Variants in KMT2C observed in about 807,000 individuals in gnomAD.
KMT2C encodes the protein histone-lysine N-methyltransferase 2C.
A neutral mutation model predicts 507.9 loss-of-function variants in KMT2C; 88 were observed. That is an observed-to-expected ratio of 0.17 (90% CI 0.15 to 0.21). The LOEUF (loss-of-function observed/expected upper bound fraction) is 0.21, where lower values mean the gene tolerates loss of function less well. KMT2C is among the 10% of genes least tolerant of loss of function. KMT2C has a pLI of 1.00. For synonymous variants in KMT2C, 2,049 were observed against 2,080.8 expected, an observed-to-expected ratio of 0.98 and a Z score of 0.42; for missense variants, 4,954 against 5,957.8, an observed-to-expected ratio of 0.83 and a Z score of 5.55.
chr7:152,342,507 T>G (rs921903958), intron 2 of KMT2C, among the ~76,000 whole-genome samples: 2 of 152,092 alleles, frequency 1.3e-5, no homozygotes, highest in African/African-American at 4.8e-5. Context: ...GCTAGAACCA[T>G]AAGGTCAATA....
intron 2 of KMT2C, among the ~76,000 whole-genome samples, chr7:152,332,661 C>A (rs2096894762): frequency 6.6e-6 from 1 of 152,122 alleles, no homozygotes; most frequent in Admixed American, 6.6e-5. Flanking sequence ...GCCTGACCAA[C>A]AACATGGTGA....
intron 2 of KMT2C, among the ~76,000 whole-genome samples, chr7:152,345,352 G>A (rs1474052193): frequency 6.6e-6 from 1 of 152,140 alleles, no homozygotes; most frequent in Non-Finnish European, 1.5e-5. Context: ...TGAGGTGCGA[G>A]GATGGCTTGA....
chr7:152,147,639 G>T (rs913971930), intron 52 of KMT2C, among the ~76,000 whole-genome samples: 3 of 150,188 alleles, frequency 2.0e-5, no homozygotes, highest in African/African-American at 7.4e-5. Flanking sequence ...CCCAGGAGGC[G>T]GAGGTTGCAG....
At chr7:152,284,646 A>G (rs1363731993) in intron 6 of KMT2C, among the ~76,000 whole-genome samples, 2 of 152,206 alleles carry the variant, frequency 1.3e-5, no homozygotes, top group African/African-American at 2.4e-5. Context: ...TTAGGCAAAA[A>G]TATTTATAAA....
chr7:152,147,921 A>C (rs370123944), intron 52 of KMT2C, 112 bp downstream of exon 52: 1 of 1,163,766 alleles, frequency 8.6e-7, no homozygotes, highest in South Asian at 1.8e-5. Context: ...AAAAATACAC[A>C]TTATAAAATA....
chr7:152,333,195 G>A (rs1001614363), intron 2 of KMT2C, among the ~76,000 whole-genome samples: 4 of 152,070 alleles, frequency 2.6e-5, no homozygotes, highest in East Asian at 1.9e-4. Flanking sequence ...CGCCCATGCT[G>A]GAGTGCAGTA....
chr7:152,205,973 G>A, intron 24 of KMT2C, among the ~76,000 whole-genome samples: 1 of 152,154 alleles, frequency 6.6e-6, no homozygotes, highest in East Asian at 1.9e-4. Flanking sequence ...TCCAAGGTAT[G>A]AGGGCATTTA....
intron 1 of KMT2C, among the ~76,000 whole-genome samples, chr7:152,401,098 C>CT (rs200213396): frequency 0.031 from 4,378 of 139,710 alleles, 96 homozygotes; most frequent in Non-Finnish European, 0.05. Context: ...TATTCATTAA[C>CT]TTTTTTTTTT....
chr7:152,244,861 C>A (rs1334096111), intron 14 of KMT2C, among the ~76,000 whole-genome samples: 2 of 152,006 alleles, frequency 1.3e-5, no homozygotes, highest in African/African-American at 4.8e-5. Context: ...AAATAAGCAT[C>A]ATATTTCTCA....
At chr7:152,384,591 C>A (rs796314788) in intron 1 of KMT2C, among the ~76,000 whole-genome samples, 29 of 150,498 alleles carry the variant, frequency 1.9e-4, no homozygotes, top group African/African-American at 7.1e-4. Context: ...CCACCACCAC[C>A]ACCACCACCA....
Position 152,177,396 on chromosome 7 carries a change from T to G in KMT2C, c.8057A>C (p.Glu2686Ala), listed in dbSNP as rs113963520. Reference sequence around the variant, plus strand: ...AGGGTCATCAGAATCAAGTTTTTCCTCTAGACCATCAGAAGGCTGGGTGGT... The same window carrying G: ...AGGGTCATCAGAATCAAGTTTTTCCGCTAGACCATCAGAAGGCTGGGTGGT... Reference protein sequence around the residue: ...QITTQPSDGLEEKLDSDDPSV... With the variant: ...QITTQPSDGLAEKLDSDDPSV... Residue 2686 changes from glutamate (E) to alanine (A), a missense_variant, in exon 38 of 59, where the codon GAG (glutamate) becomes GCG (alanine). Around this residue, in one of 29 missense-constraint regions of KMT2C, gnomAD observed 1,689 missense variants for 1,654.3 expected, o/e 1.02. Coordinates refer to ENST00000262189, the MANE Select transcript of KMT2C (RefSeq NM_170606.3). 8.7e-6 allele frequency: 14 copies of G among 1,614,224 alleles called. No homozygotes were observed. The highest frequency in any genetic ancestry group is 1.7e-5 in the Admixed American group (1 of 60,028).
chr7:152,214,348 C>T (rs1347417174), intron 23 of KMT2C, among the ~76,000 whole-genome samples: 2 of 152,118 alleles, frequency 1.3e-5, no homozygotes, highest in Non-Finnish European at 2.9e-5. Flanking sequence ...CTTACCCATT[C>T]AAGGACAGAT....
At chr7:152,312,398 A>G (rs1342182036) in intron 4 of KMT2C, 1 of 152,468 alleles carries the variant, frequency 6.6e-6, no homozygotes, top group Non-Finnish European at 1.5e-5. Flanking sequence ...TTAACTGTGT[A>G]AAGAAAGGAT....
At chr7:152,410,701 A>AATAT (rs1379153976) in intron 1 of KMT2C, among the ~76,000 whole-genome samples, 1 of 151,002 alleles carries the variant, frequency 6.6e-6, no homozygotes, top group Non-Finnish European at 1.5e-5. Flanking sequence ...ATGTATATAT[A>AATAT]ATATATACAT....
At chr7:152,204,934 G>A (rs536840061) in intron 25 of KMT2C, among the ~76,000 whole-genome samples, 172 bp downstream of exon 25, 5 of 151,406 alleles carry the variant, frequency 3.3e-5, no homozygotes, top group East Asian at 3.9e-4. Context: ...AACTCTATAC[G>A]CACTCAAATC....
intron 3 of KMT2C, among the ~76,000 whole-genome samples, chr7:152,324,025 C>T (rs1268408865): frequency 3.3e-5 from 5 of 151,452 alleles, no homozygotes; most frequent in Admixed American, 6.6e-5. Flanking sequence ...ACCAGACACT[C>T]GGAGAAGGTA....
chr7:152,396,729 A>G (rs901997814), intron 1 of KMT2C, among the ~76,000 whole-genome samples: 2 of 152,212 alleles, frequency 1.3e-5, no homozygotes, highest in Non-Finnish European at 2.9e-5. Flanking sequence ...GGCCCTGCCT[A>G]CTTTCTCTCC....
chr7:152,389,267 A>C (rs2097465643), intron 1 of KMT2C, among the ~76,000 whole-genome samples: 1 of 148,390 alleles, frequency 6.7e-6, no homozygotes, highest in Non-Finnish European at 1.5e-5. Context: ...CGGGAGGCTG[A>C]GGTAGGAGAA....
chr7:152,304,828 A>G (rs149595575), intron 6 of KMT2C, among the ~76,000 whole-genome samples: 2 of 152,292 alleles, frequency 1.3e-5, no homozygotes, highest in African/African-American at 4.8e-5. Flanking sequence ...GGTGGGAGGC[A>G]CTGCACCTAG....
Sources: gnomAD v4.1 joint callset for allele counts (sites outside exome capture counted in the v4.1 genomes callset) on GRCh38, gnomAD v4.1.1 for gene constraint, gnomAD v4.1.1 regional missense constraint, MANE v1.5 for transcripts, NCBI Gene and HGNC (gene_info 2026-07-23, HGNC 2026-07-21) for gene names.